LIPM: variants seen among roughly 807,000 people sequenced by gnomAD.
The protein encoded by LIPM is lipase family member M, also known as lipase member M.
A neutral mutation model predicts 42.4 loss-of-function variants in LIPM; 42 were observed. That is an observed-to-expected ratio of 0.99 (90% CI 0.77 to 1.28). LIPM has a LOEUF of 1.28. LIPM is among the 50% of genes most tolerant of loss of function. The pLI is 0.00. For missense variants in LIPM, 524 were observed against 520.1 expected (o/e 1.01, Z -0.07); for synonymous variants, 177 against 173.3 (o/e 1.02, Z -0.17).
rs1045763152 is a variant in LIPM, at chr10:88,820,429, C to G, written c.1200C>G (p.Tyr400Ter). The change falls in exon 9 of 9, where the codon TAC (tyrosine) becomes TAG (stop). Residue 400 changes from tyrosine (Y) to a stop codon, truncating the protein, a stop_gained. Transcript: ENST00000404743. LOFTEE classifies it low-confidence loss of function (END_TRUNC). Reference protein sequence around the residue: ...IWGLDAPHRMYNEIIHLMQQE... With the variant: ...IWGLDAPHRM ...GTTTGGATGCTCCTCACCGTATGTA[C>G]AATGAAATCATCCATCTGATGCAGC... 15 of 1,552,004 alleles carry G rather than the reference C, an allele frequency of 9.7e-6. No individual in the cohort carries two copies. The highest frequency in any genetic ancestry group is 1.3e-5 in the Non-Finnish European group (15 of 1,147,004).
At chr10:88,819,457 A>G (rs1843760224) in intron 8 of LIPM, among the ~76,000 whole-genome samples, 1 of 152,210 alleles carries the variant, frequency 6.6e-6, no homozygotes, top group Admixed American at 6.5e-5. Context: ...GAGAAACCAG[A>G]GCATCTAGGA....
intron 2 of LIPM, 147 bp downstream of exon 2, chr10:88,808,562 G>T: frequency 3.7e-6 from 2 of 541,274 alleles, no homozygotes. Flanking sequence ...TTCCCCCATA[G>T]TCTCCATCAC....
chr10:88,809,058 A>C (rs1411148917), intron 2 of LIPM, among the ~76,000 whole-genome samples: 1 of 151,778 alleles, frequency 6.6e-6, no homozygotes, highest in East Asian at 1.9e-4. Flanking sequence ...GGGTTCAAGC[A>C]ATTCTCCTGC....
chr10:88,803,754 C>T (rs933260674), intron 1 of LIPM, among the ~76,000 whole-genome samples: 2 of 151,750 alleles, frequency 1.3e-5, no homozygotes, highest in South Asian at 2.1e-4. Context: ...AATTTCATTG[C>T]CCTGTGCAGT....
Position 88,816,811 on chromosome 10 carries a change from T to C in LIPM, c.859-5T>C. ...GTCCCCCAGAATACTCATGGTTTGTTACAGAGCCGAGCAAGTGTATATGCT... is the reference window on the plus strand; with the variant it reads ...GTCCCCCAGAATACTCATGGTTTGTCACAGAGCCGAGCAAGTGTATATGCT... On this transcript the variant is annotated splice_region_variant and splice_polypyrimidine_tract_variant and intron_variant, in intron 6 of 8. Coordinates refer to ENST00000404743, the MANE Select transcript of LIPM (RefSeq NM_001128215.1). 6.5e-7 allele frequency: 1 copy of C among 1,549,974 alleles called. No homozygotes were observed. Among genetic ancestry groups the C allele is most frequent in the Non-Finnish European group, 8.7e-7 (1 of 1,145,420 alleles).
intron 6 of LIPM, 125 bp downstream of exon 6, chr10:88,815,628 T>G: frequency 1.2e-6 from 1 of 830,788 alleles, no homozygotes; most frequent in South Asian, 2.0e-5. Context: ...AGTAACTCAG[T>G]TCTCTGCAAA....
At position 88,814,433 on chromosome 10, in the gene LIPM, A is replaced by G. The variant is rs1267206144; in HGVS notation, c.465-97A>G. On this transcript the variant is annotated intron_variant, in intron 3 of 8. Coordinates refer to ENST00000404743, the MANE Select transcript of LIPM (RefSeq NM_001128215.1). Reference sequence around the variant, plus strand: ...ACACGGTAACAAGCTGTCAGAGTTGACAACTCAAGGGCTTGTTTGTAAACC... The same window carrying G: ...ACACGGTAACAAGCTGTCAGAGTTGGCAACTCAAGGGCTTGTTTGTAAACC... 5.3e-6 allele frequency: 4 copies of G among 755,688 alleles called. No individual in the cohort carries two copies. In the African/African-American group the frequency reaches 7.0e-5, roughly 13 times the overall value. 46.8% of individuals were successfully genotyped at this position (755,688 alleles called of 1,614,324 possible). A position where few individuals can be genotyped will look rare whatever the true frequency, so the allele number is the denominator to read the frequency against.
chr10:88,818,445 A>T (rs745406448), intron 8 of LIPM, among the ~76,000 whole-genome samples: 2 of 152,238 alleles, frequency 1.3e-5, no homozygotes, highest in Non-Finnish European at 2.9e-5. Context: ...CTTTAAATGA[A>T]TCTGTAATTT....
intron 2 of LIPM, among the ~76,000 whole-genome samples, chr10:88,812,111 T>C (rs1298676289): frequency 6.6e-6 from 1 of 152,140 alleles, no homozygotes; most frequent in Non-Finnish European, 1.5e-5. Context: ...TTTTGAAGAG[T>C]TTTGGACAGG....
intron 8 of LIPM, among the ~76,000 whole-genome samples, chr10:88,818,949 G>A (rs12267755): frequency 0.033 from 5,001 of 152,106 alleles, 265 homozygotes; most frequent in African/African-American, 0.11. Context: ...GTGCAGTGGC[G>A]CAGTCTCGGC....
intron 8 of LIPM, among the ~76,000 whole-genome samples, chr10:88,818,106 T>A (rs1843739891): frequency 6.6e-6 from 1 of 152,218 alleles, no homozygotes; most frequent in South Asian, 2.1e-4. Flanking sequence ...GGAGGCCTTT[T>A]TAGCTGAGGC....
Position 88,817,857 on chromosome 10 carries a change from C to A in LIPM, c.963C>A (p.Asp321Glu), listed in dbSNP as rs1303289946. The change falls in exon 8 of 9, where the codon GAC becomes GAA. Residue 321 changes from aspartate (D) to glutamate (E), a missense_variant. Transcript: ENST00000404743. ...AVNSGELRAF[D>E]WGSETKNLEK... ...ATTCTGGTGAACTCCGGGCATTTGA[C>A]TGGGGGAGTGAGACCAAAAATCTGG... 1 of 1,551,414 alleles carries A rather than the reference C, an allele frequency of 6.4e-7. No homozygotes were observed. The highest frequency in any genetic ancestry group is 1.2e-5 in the South Asian group (1 of 84,048).
chr10:88,817,175 G>C (rs1407743054), intron 7 of LIPM, among the ~76,000 whole-genome samples: 1 of 152,180 alleles, frequency 6.6e-6, no homozygotes, highest in Admixed American at 6.5e-5. Context: ...TCAAAGATGT[G>C]GCTGGAGATA....
Position 88,802,972 on chromosome 10 carries a change from A to G in LIPM, c.76A>G (p.Met26Val), listed in dbSNP as rs1169240348. The change falls in exon 1 of 9, where the codon ATG (methionine) becomes GTG (valine). Residue 26 changes from methionine (M) to valine (V), a missense_variant. Coordinates refer to ENST00000404743, the MANE Select transcript of LIPM (RefSeq NM_001128215.1). ...GTGGCTTCTGATTCTGGTGGCGTAT[A>G]TGTTCCAGAGAAATGTGAATTCAGT... ...EMWLLILVAY[M>V]FQRNVNSVHM... 1.3e-6 allele frequency: 2 copies of G among 1,551,264 alleles called. No homozygotes were observed. Among genetic ancestry groups the G allele is most frequent in the African/African-American group, 1.4e-5 (1 of 73,016 alleles).
intron 4 of LIPM, 22 bp from the exon 5 acceptor site, chr10:88,815,066 T>C (rs762308964): frequency 1.3e-6 from 2 of 1,519,468 alleles, no homozygotes; most frequent in Admixed American, 2.4e-5. Flanking sequence ...GTATTCATGT[T>C]GACATATTTC....
At chr10:88,817,459 G>A (rs1843730879) in intron 7 of LIPM, among the ~76,000 whole-genome samples, 1 of 152,146 alleles carries the variant, frequency 6.6e-6, no homozygotes, top group Non-Finnish European at 1.5e-5. Flanking sequence ...AGAATTATAA[G>A]TTCAATTAAA....
intron 2 of LIPM, among the ~76,000 whole-genome samples, chr10:88,810,854 A>G (rs566309234): frequency 1.8e-4 from 28 of 152,350 alleles, no homozygotes; most frequent in Non-Finnish European, 3.7e-4. Context: ...ACCATGGGAA[A>G]TGCCCGGACT....
intron 2 of LIPM, among the ~76,000 whole-genome samples, chr10:88,808,670 T>A (rs1397934096): frequency 2.0e-5 from 3 of 152,278 alleles, no homozygotes; most frequent in South Asian, 4.1e-4. Flanking sequence ...ATTTCTTGAC[T>A]TATTTTAGCG....
At chr10:88,803,782 T>C (rs1843555897) in intron 1 of LIPM, among the ~76,000 whole-genome samples, 2 of 152,164 alleles carry the variant, frequency 1.3e-5, no homozygotes, top group East Asian at 1.9e-4. Context: ...ATCATTCACA[T>C]ATTTCAAATC....
Sources: allele counts gnomAD v4.1 joint callset (sites outside exome capture counted in the v4.1 genomes callset), GRCh38; gene constraint gnomAD v4.1.1; transcripts MANE v1.5; gene names NCBI Gene and HGNC (gene_info 2026-07-23, HGNC 2026-07-21).